The following PROX1 variants were observed in gnomAD, a reference collection of about 807,000 sequenced individuals.
The protein encoded by PROX1 is prospero homeobox protein 1.
Under a neutral mutation model 58.8 loss-of-function variants are expected in PROX1, and 7 were observed. That is an observed-to-expected ratio of 0.12 (90% confidence interval 0.07 to 0.22). PROX1 has a LOEUF of 0.22. Among genes scored for constraint, PROX1 ranks in the 10% least tolerant of loss-of-function variants. The probability of loss-of-function intolerance (pLI) is 1.00; values close to 1 mark genes in which losing one functional copy is unlikely to be tolerated. For missense variants in PROX1, 675 were observed against 927.8 expected, an observed-to-expected ratio of 0.73 and a Z score of 3.54; for synonymous variants, 350 against 358.3, an observed-to-expected ratio of 0.98 and a Z score of 0.26.
At chr1:214,023,532 G>A (rs1279687614) in intron 4 of PROX1, among the ~76,000 whole-genome samples, 1 of 152,004 alleles carries the variant, frequency 6.6e-6, no homozygotes, top group Non-Finnish European at 1.5e-5. Flanking sequence ...AGAATTGGCA[G>A]TTTTAGATGA....
In PROX1 at chr1:213,996,713, C is replaced by T; in HGVS notation, c.178C>T (p.Gln60Ter). 2 of 1,614,182 alleles carry T rather than the reference C, an allele frequency of 1.2e-6. No individual in the cohort carries two copies. Among genetic ancestry groups the T allele is most frequent in the Non-Finnish European group, 1.7e-6 (2 of 1,180,040 alleles). The change falls in exon 2 of 5, where the codon CAG becomes TAG. Residue 60 changes from glutamine to a stop codon, truncating the protein, a stop_gained. Coordinates refer to ENST00000366958, the MANE Select transcript of PROX1 (RefSeq NM_001270616.2). LOFTEE classifies it high-confidence loss of function. ...SEQDVEYSVV[Q>*]HADGEKSNVL... ...GCAGGATGTTGAGTATTCAGTGGTG[C>T]AGCATGCAGATGGGGAAAAGTCAAA...
chr1:214,016,792 G>A (rs1253667486), intron 4 of PROX1, among the ~76,000 whole-genome samples: 1 of 152,168 alleles, frequency 6.6e-6, no homozygotes, highest in African/African-American at 2.4e-5. Flanking sequence ...GCGTGCATGA[G>A]GCTTCACTTT....
chr1:213,997,342 T>C lies in PROX1; in HGVS notation c.807T>C (p.Asp269=). Residue 269 remains aspartate, a synonymous_variant, in exon 2 of 5, where the codon GAT becomes GAC. Coordinates refer to ENST00000366958, the MANE Select transcript of PROX1 (RefSeq NM_001270616.2). The surrounding 1 kb of genome is among the most constrained non-coding windows in gnomAD (Gnocchi z 7.1). ...QIYDSTDSEN[D]EDGNLSEDSM... ...ATGACAGCACTGATTCGGAAAATGA[T>C]GAAGATGGTAACCTGTCTGAAGACA... The C allele has an allele frequency of 6.2e-7, 1 of 1,614,062 alleles. No individual in the cohort carries two copies. Among genetic ancestry groups the C allele is most frequent in the Non-Finnish European group, 8.5e-7 (1 of 1,180,022 alleles).
At position 213,997,516 on chromosome 1, in the gene PROX1, A is replaced by G; in HGVS notation, c.981A>G (p.Arg327=). Residue 327 remains arginine (R), a synonymous_variant, in exon 2 of 5, where the codon CGA becomes CGG. Transcript: ENST00000366958. This position sits in a 1 kb window ranked among gnomAD's most constrained non-coding sequence, Gnocchi z 7.1. The part of the protein sequence containing the change: ...EQEMAENKPK[R]EGNNKERDHG... ...AAATGGCTGAAAACAAGCCGAAGCG[A>G]GAAGGCAACAACAAAGAAAGAGACC... is the stretch of plus-strand genomic sequence containing the variant. 2 of 1,614,128 alleles carry G rather than the reference A, an allele frequency of 1.2e-6. No homozygotes were observed.
At chr1:214,001,543 G>A (rs1360648627) in intron 2 of PROX1, among the ~76,000 whole-genome samples, 1 of 152,150 alleles carries the variant, frequency 6.6e-6, no homozygotes, top group African/African-American at 2.4e-5. Flanking sequence ...GTTAAGACGT[G>A]CAGGTGAAGA....
rs1664831484 is a variant in PROX1 at position 214,036,395 on chromosome 1, A to AAAGT, written c.*563_*566dup. The AAAGT allele has an allele frequency of 1.3e-5, 2 of 152,202 alleles. No individual in the cohort carries two copies. Among genetic ancestry groups the AAAGT allele is most frequent in the South Asian group, 4.1e-4 (2 of 4,824 alleles). 9.4% of individuals were successfully genotyped at this position (152,202 alleles called of 1,614,324 possible). A position where few individuals can be genotyped will look rare whatever the true frequency, so the allele number is the denominator to read the frequency against. On this transcript the variant is annotated 3_prime_UTR_variant, in exon 5 of 5. Coordinates refer to ENST00000366958, the MANE Select transcript of PROX1 (RefSeq NM_001270616.2). ...TGACAGATGAGCAGCTCACTTTTCC[A>AAAGT]AAGTACCCCAAAAGGCCAAATTAAA...
chr1:214,019,523 C>T (rs1246057196), intron 4 of PROX1, among the ~76,000 whole-genome samples: 1 of 152,190 alleles, frequency 6.6e-6, no homozygotes, highest in East Asian at 1.9e-4. Context: ...GCAAACCTCA[C>T]CTTCGGATTT....
intron 4 of PROX1, among the ~76,000 whole-genome samples, chr1:214,033,960 T>C (rs1279765227): frequency 6.6e-6 from 1 of 152,202 alleles, no homozygotes; most frequent in Non-Finnish European, 1.5e-5. Flanking sequence ...TGCACATTCA[T>C]GGCGGACAAG....
rs544599802 is a variant in PROX1 at position 214,021,411 on chromosome 1, T to C, written c.2028+9696T>C. On this transcript the variant is annotated intron_variant, in intron 4 of 4. Coordinates refer to ENST00000366958, the MANE Select transcript of PROX1 (RefSeq NM_001270616.2). ...GAGGGTTGTGTCCATATTCTCCATT[T>C]CCTTTCTGATTTTACAGACTTTGAT... Among the ~76,000 whole-genome samples, 35 of 152,326 alleles carry C rather than the reference T, an allele frequency of 2.3e-4. 1 individual carries two copies. The highest frequency in any genetic ancestry group is 2.2e-3 in the Admixed American group (33 of 15,306).
At chr1:214,003,988 T>G (rs997420301) in intron 2 of PROX1, among the ~76,000 whole-genome samples, 5 of 133,022 alleles carry the variant, frequency 3.8e-5, no homozygotes, top group Admixed American at 3.2e-4. Flanking sequence ...GTGTGTGTGT[T>G]TGCACACACA....
chr1:213,985,843 CCTCCTT>C (rs1479544094), upstream of PROX1: 1 of 152,376 alleles, frequency 6.6e-6, no homozygotes, highest in African/African-American at 2.4e-5. Flanking sequence ...ACTCCCCCCT[CCTCCTT>C]CTCTGCTCTC....
chr1:214,015,490 T>A (rs1302080446), intron 4 of PROX1, among the ~76,000 whole-genome samples: 1 of 152,040 alleles, frequency 6.6e-6, no homozygotes, highest in Non-Finnish European at 1.5e-5. Context: ...TACTGATACT[T>A]GTGACTTTAG....
At position 213,994,700 on chromosome 1, in the gene PROX1, G is replaced by A. The variant is rs1170540814; in HGVS notation, c.-67-1769G>A. On this transcript the variant is annotated intron_variant, in intron 1 of 4. Coordinates refer to ENST00000366958, the MANE Select transcript of PROX1 (RefSeq NM_001270616.2). Reference sequence around the variant, plus strand: ...GAACTCCATCTCCATTCTAAGTTCAGGAAATTTTATCCTGAAGCATGCAAA... The same window carrying A: ...GAACTCCATCTCCATTCTAAGTTCAAGAAATTTTATCCTGAAGCATGCAAA... 2.2e-5 allele frequency among the ~76,000 whole-genome samples: 3 copies of A among 136,478 alleles called. No individual in the cohort carries two copies. In the Admixed American group the frequency reaches 2.3e-4, roughly 11 times the overall value. The allele number at this position is 136,478 out of a possible 152,430, so 89.5% of individuals were successfully genotyped here. A position where few individuals can be genotyped will look rare whatever the true frequency, so the allele number is the denominator to read the frequency against.
At chr1:214,026,953 G>A (rs1310575632) in intron 4 of PROX1, among the ~76,000 whole-genome samples, 1 of 152,012 alleles carries the variant, frequency 6.6e-6, no homozygotes, top group Non-Finnish European at 1.5e-5. Flanking sequence ...TTTCCTCCAG[G>A]GGGCCATTTT....
At chr1:213,991,648 C>G (rs1663041754) in intron 1 of PROX1, among the ~76,000 whole-genome samples, 1 of 152,210 alleles carries the variant, frequency 6.6e-6, no homozygotes. Flanking sequence ...TCTTTGTTCT[C>G]ACTTTATTCA....
At chr1:213,995,158 A>T (rs544357330) in intron 1 of PROX1, among the ~76,000 whole-genome samples, 1 of 151,948 alleles carries the variant, frequency 6.6e-6, no homozygotes, top group African/African-American at 2.4e-5. Context: ...TCTGTTAAGC[A>T]AACGTGAAGT....
At position 214,005,150 on chromosome 1, in the gene PROX1, C is replaced by T; in HGVS notation, c.1726-15C>T. On this transcript the variant is annotated splice_polypyrimidine_tract_variant and intron_variant, in intron 2 of 4. Coordinates refer to ENST00000366958, the MANE Select transcript of PROX1 (RefSeq NM_001270616.2). ...TGCTTACAGAATTGCTTTTCCTTAA[C>T]CAATTGCATCCTACATGCAGGAAGG... 1 of 1,603,148 alleles carries T rather than the reference C, an allele frequency of 6.2e-7. No homozygotes were observed. Among genetic ancestry groups the T allele is most frequent in the Non-Finnish European group, 8.5e-7 (1 of 1,170,132 alleles).
chr1:214,011,948 A>T (rs1663924582), intron 4 of PROX1, among the ~76,000 whole-genome samples: 1 of 152,044 alleles, frequency 6.6e-6, no homozygotes, highest in African/African-American at 2.4e-5. Context: ...TGTGTGGAAG[A>T]CTCATTTGGC....
At chr1:214,023,880 GT>G (rs1383375099) in intron 4 of PROX1, among the ~76,000 whole-genome samples, 1 of 152,216 alleles carries the variant, frequency 6.6e-6, no homozygotes, top group Admixed American at 6.5e-5. Flanking sequence ...GGGAGGGATG[GT>G]TTGAGTAGAG....
Sources: gnomAD v4.1 joint callset for allele counts (sites outside exome capture counted in the v4.1 genomes callset) on GRCh38, gnomAD v4.1.1 for gene constraint, Gnocchi (gnomAD v3.1) non-coding constraint, MANE v1.5 for transcripts, NCBI Gene and HGNC (gene_info 2026-07-23, HGNC 2026-07-21) for gene names.